The following POLL variants were observed in gnomAD, a reference collection of about 807,000 sequenced individuals.
POLL encodes DNA polymerase lambda.
In POLL, 44 loss-of-function variants were observed where a neutral mutation model predicts 58.1. The observed-to-expected ratio is 0.76, with a 90% CI of 0.60 to 0.97. The LOEUF (loss-of-function observed/expected upper bound fraction) is 0.97, where lower values mean the gene tolerates loss of function less well. POLL is among the 50% of genes least tolerant of loss of function. The pLI is 0.00. For synonymous variants in POLL, 290 were observed against 283.2 expected (o/e 1.02, Z -0.24); for missense variants, 632 against 736.8 (o/e 0.86, Z 1.65).
chr10:101,584,559 C>T (rs1395279576), intron 5 of POLL, 43 bp downstream of exon 5: 2 of 1,381,282 alleles, frequency 1.4e-6, no homozygotes, highest in Non-Finnish European at 2.0e-6. Flanking sequence ...TTACTAACCA[C>T]TGGCCAGTAA....
chr10:101,579,905 G>A lies in POLL; in HGVS notation c.1364-88C>T. The A allele has an allele frequency of 2.0e-6, 3 of 1,471,032 alleles. No homozygotes were observed. The highest frequency in any genetic ancestry group is 2.7e-6 in the Non-Finnish European group (3 of 1,098,180). The allele number at this position is 1,471,032 out of a possible 1,614,324, so 91.1% of individuals were successfully genotyped here. A position where few individuals can be genotyped will look rare whatever the true frequency, so the allele number is the denominator to read the frequency against. On this transcript the variant is annotated intron_variant, in intron 8 of 8. Coordinates refer to ENST00000370162, the MANE Select transcript of POLL (RefSeq NM_001174084.2). This position sits in a 1 kb window ranked among gnomAD's most constrained non-coding sequence, Gnocchi z 4.4. ...CAGGTCTCTCCTGATGTCTAAGCTG[G>A]GGCTTGCCCAGGTATTAGCTGGGTG...
intron 5 of POLL, 46 bp downstream of exon 5, chr10:101,584,556 C>T (rs1359177491): frequency 4.3e-6 from 6 of 1,391,210 alleles, no homozygotes; most frequent in African/African-American, 2.9e-5. Flanking sequence ...GGGTTACTAA[C>T]CACTGGCCAG....
Position 101,588,189 on chromosome 10 carries a change from G to T in POLL, c.-414C>A, listed in dbSNP as rs1207021570. The T allele has an allele frequency of 1.3e-6, 2 of 1,534,192 alleles. No homozygotes were observed. The highest frequency in any genetic ancestry group is 2.7e-5 in the African/African-American group (2 of 72,918). ...AAGCTAGTCACCCGGGGGTGGGCAG[G>T]AATAGACCACTTACCAGCAGAGCCA... On this transcript the variant is annotated 5_prime_UTR_variant, in exon 1 of 9. Transcript: ENST00000370162.
chr10:101,586,798 C>T (rs868744950), intron 2 of POLL, among the ~76,000 whole-genome samples: 3 of 152,158 alleles, frequency 2.0e-5, no homozygotes, highest in African/African-American at 7.2e-5. Flanking sequence ...CCCAGCCTCT[C>T]TCCATACTTT....
rs755839230 is a variant in POLL, at chr10:101,587,111, T to C, written c.115+135A>G. On this transcript the variant is annotated intron_variant, in intron 2 of 8. Coordinates refer to ENST00000370162, the MANE Select transcript of POLL (RefSeq NM_001174084.2). ...AGGACCAAGCTTAGCACAAGGTAGA[T>C]ACAAACAGACCTGCAGGCCCTGGAC... The C allele has an allele frequency of 1.1e-5, 17 of 1,599,824 alleles. No individual in the cohort carries two copies. In the Admixed American group the frequency reaches 2.7e-4, roughly 25 times the overall value.
intron 2 of POLL, among the ~76,000 whole-genome samples, chr10:101,586,666 T>G (rs2063358011): frequency 6.6e-6 from 1 of 152,102 alleles, no homozygotes; most frequent in South Asian, 2.1e-4. Flanking sequence ...GCTAATTTTT[T>G]GTATTTTTAG....
intron 5 of POLL, 44 bp downstream of exon 5, chr10:101,584,558 A>G: frequency 7.2e-7 from 1 of 1,381,832 alleles, no homozygotes; most frequent in Non-Finnish European, 9.8e-7. Context: ...GTTACTAACC[A>G]CTGGCCAGTA....
At position 101,580,141 on chromosome 10, in the gene POLL, C is replaced by G; in HGVS notation, c.1363+107G>C. On this transcript the variant is annotated intron_variant, in intron 8 of 8. Transcript: ENST00000370162. This position sits in a 1 kb window ranked among gnomAD's most constrained non-coding sequence, Gnocchi z 4.1. ...TGGGATGCTGGCAAAGCACTGTTCC[C>G]CTGCTTCCTGCCTCAGGACTGGAAC... 1.0e-6 allele frequency: 1 copy of G among 1,002,864 alleles called. No homozygotes were observed. The allele number at this position is 1,002,864 out of a possible 1,614,324, so 62.1% of individuals were successfully genotyped here.
intron 1 of POLL, 67 bp from the exon 2 acceptor site, chr10:101,587,473 A>T: frequency 2.1e-6 from 3 of 1,418,744 alleles, no homozygotes; most frequent in African/African-American, 1.5e-5. Context: ...GTCTTTCCTG[A>T]CCAGGCTTTG....
rs1397587243 is a variant in POLL at position 101,583,559 on chromosome 10, G to T, written c.1014C>A (p.Phe338Leu). 1 of 1,613,962 alleles carries T rather than the reference G, an allele frequency of 6.2e-7. No homozygotes were observed. The highest frequency in any genetic ancestry group is 8.5e-7 in the Non-Finnish European group (1 of 1,180,034). Residue 338 changes from phenylalanine (F) to leucine (L), a missense_variant, in exon 6 of 9, where the codon TTC becomes TTA. Physicochemically the swap from Phe to Leu is conservative, Grantham distance 22 (BLOSUM62 0). Coordinates refer to ENST00000370162, the MANE Select transcript of POLL (RefSeq NM_001174084.2). ...ISESVPVLEL[F>L]SNIWGAGTKT... ...TGGTCCCAGCTCCCCAGATGTTGGA[G>T]AAGAGCTCCAAGACAGGCACGCTCT...
chr10:101,587,629 C>A, intron 1 of POLL, 193 bp downstream of exon 1: 1 of 985,570 alleles, frequency 1.0e-6, no homozygotes, highest in Non-Finnish European at 1.4e-6. Flanking sequence ...CTGGTGCCAT[C>A]GGGGGTACTT....
rs773745727 is a variant in POLL at position 101,579,988 on chromosome 10, C to G, written c.1364-171G>C. ...GTAAAACATGGATAGTAATTCCCAT[C>G]TCCCCCATAGTGTCACAGAAAGATC... On this transcript the variant is annotated intron_variant, in intron 8 of 8. Transcript: ENST00000370162. This position sits in a 1 kb window ranked among gnomAD's most constrained non-coding sequence, Gnocchi z 4.4. 4 of 768,704 alleles carry G rather than the reference C, an allele frequency of 5.2e-6. No individual in the cohort carries two copies. Among genetic ancestry groups the G allele is most frequent in the Non-Finnish European group, 8.2e-6 (4 of 488,564 alleles). The allele number at this position is 768,704 out of a possible 1,614,324, so 47.6% of individuals were successfully genotyped here.
rs1273224168 is a variant in POLL at position 101,588,125 on chromosome 10, C to A, written c.-350G>T. 7 of 1,513,634 alleles carry A rather than the reference C, an allele frequency of 4.6e-6. 1 individual carries two copies. The highest frequency in any genetic ancestry group is 3.4e-4 in the Middle Eastern group (2 of 5,894). The allele number at this position is 1,513,634 out of a possible 1,614,324, so 93.8% of individuals were successfully genotyped here. On this transcript the variant is annotated 5_prime_UTR_variant, in exon 1 of 9. Transcript: ENST00000370162. Reference sequence around the variant, plus strand: ...ACCCCGGCCCCAAGAGTCTCTCCAACCCCCAGAGTCGGTCCCCGGGTGGGG... The same window carrying A: ...ACCCCGGCCCCAAGAGTCTCTCCAAACCCCAGAGTCGGTCCCCGGGTGGGG...
In POLL at chr10:101,586,104, G is replaced by T; in HGVS notation, c.168C>A (p.Ala56=). ...TCTGCTTCTCAAAGAGTTCTGCCCG[G>T]GCTCGTCCAATGCCAGTGCGCACAA... is the stretch of plus-strand genomic sequence containing the variant. ...AHVVRTGIGR[A]RAELFEKQIV... The change falls in exon 3 of 9, where the codon GCC becomes GCA. Residue 56 remains alanine (A), a synonymous_variant. Transcript: ENST00000370162. The T allele has an allele frequency of 1.9e-6, 3 of 1,613,764 alleles. No individual in the cohort carries two copies. Among genetic ancestry groups the T allele is most frequent in the African/African-American group, 1.3e-5 (1 of 75,042 alleles).
intron 4 of POLL, 145 bp from the exon 5 acceptor site, chr10:101,585,064 G>A: frequency 3.0e-6 from 2 of 673,200 alleles, no homozygotes; most frequent in Non-Finnish European, 4.7e-6. Flanking sequence ...ATCAGACTTG[G>A]ATCTCCTTGG....
At chr10:101,582,198 C>G (rs2063038188) in intron 7 of POLL, 1 of 153,438 alleles carries the variant, frequency 6.5e-6, no homozygotes, top group African/African-American at 2.4e-5. Context: ...CAGCCCCAAA[C>G]CAAATCCTAC....
chr10:101,585,952 G>GC lies in POLL; in HGVS notation c.319dup (p.Ala107GlyfsTer31). 1 of 1,613,990 alleles carries GC rather than the reference G, an allele frequency of 6.2e-7. No individual in the cohort carries two copies. Among genetic ancestry groups the GC allele is most frequent in the Non-Finnish European group, 8.5e-7 (1 of 1,179,928 alleles). On this transcript the variant is annotated frameshift_variant, in exon 3 of 9. Coordinates refer to ENST00000370162, the MANE Select transcript of POLL (RefSeq NM_001174084.2). LOFTEE classifies it high-confidence loss of function. The stretch of plus-strand genomic sequence containing the variant: ...CAGCCAGGCTGACTTCACCAGCTGA[G>GC]CACCCGGGGGCAGCTGGGGTAGTCT...
At chr10:101,583,758 C>A (rs2063138046) in intron 5 of POLL, 77 bp from the exon 6 acceptor site, 1 of 1,329,606 alleles carries the variant, frequency 7.5e-7, no homozygotes, top group Non-Finnish European at 1.1e-6. Flanking sequence ...AGGAAGCTGA[C>A]TCCTCTAGCA....
In POLL at chr10:101,579,911, GC is replaced by G; in HGVS notation, c.1364-95del. The G allele has an allele frequency of 7.0e-7, 1 of 1,424,630 alleles. No individual in the cohort carries two copies. The highest frequency in any genetic ancestry group is 9.4e-7 in the Non-Finnish European group (1 of 1,059,496). 88.2% of individuals were successfully genotyped at this position (1,424,630 alleles called of 1,614,324 possible). A position where few individuals can be genotyped will look rare whatever the true frequency, so the allele number is the denominator to read the frequency against. ...TCTCCTGATGTCTAAGCTGGGGCTT[GC>G]CCAGGTATTAGCTGGGTGACACTAC... On this transcript the variant is annotated intron_variant, in intron 8 of 8. Transcript: ENST00000370162. The surrounding 1 kb of genome is among the most constrained non-coding windows in gnomAD (Gnocchi z 4.4).
Sources: allele counts gnomAD v4.1 joint callset (sites outside exome capture counted in the v4.1 genomes callset), GRCh38; gene constraint gnomAD v4.1.1; non-coding constraint Gnocchi (gnomAD v3.1); transcripts MANE v1.5; gene names NCBI Gene and HGNC (gene_info 2026-07-23, HGNC 2026-07-21).